RASGRP3: variants seen among roughly 807,000 people sequenced by gnomAD.
RASGRP3 encodes RAS guanyl releasing protein 3.
RASGRP3 carries 54 observed loss-of-function variants against 82.7 expected under a neutral mutation model. The observed-to-expected ratio is 0.65, with a 90% CI of 0.52 to 0.82. The LOEUF (loss-of-function observed/expected upper bound fraction) is 0.82. Among genes scored for constraint, RASGRP3 ranks in the 40% least tolerant of loss-of-function variants. The pLI is 0.00. For synonymous variants in RASGRP3, 309 were observed against 300.5 expected (o/e 1.03, Z -0.29); for missense variants, 861 against 828.9 (o/e 1.04, Z -0.48).
At chr2:33,514,500 C>A (rs1360057124) in intron 2 of RASGRP3, among the ~76,000 whole-genome samples, 1 of 74,046 alleles carries the variant, frequency 1.4e-5, no homozygotes. Flanking sequence ...AAAACCCCAT[C>A]TCTACAAAAA....
At chr2:33,437,584 GT>G (rs1664993343) in intron 1 of RASGRP3, among the ~76,000 whole-genome samples, 1 of 152,196 alleles carries the variant, frequency 6.6e-6, no homozygotes, top group Non-Finnish European at 1.5e-5. Context: ...AGATTGGGAT[GT>G]TTAGAATCTG....
At chr2:33,477,911 G>A (rs747118088) in intron 1 of RASGRP3, among the ~76,000 whole-genome samples, 2 of 152,166 alleles carry the variant, frequency 1.3e-5, no homozygotes, top group Non-Finnish European at 2.9e-5. Flanking sequence ...TTTTGCTTGT[G>A]ATAAGCCTAG....
intron 1 of RASGRP3, among the ~76,000 whole-genome samples, chr2:33,506,343 G>C (rs189022799): frequency 6.6e-6 from 1 of 152,284 alleles, no homozygotes; most frequent in African/African-American, 2.4e-5. Context: ...TTTGGAGTTG[G>C]ACTTGGCTTT....
chr2:33,514,964 C>T lies in RASGRP3; in HGVS notation c.-127-46C>T, dbSNP rs1574393449. ...TAGGAAAGTGATGCTCTAGTGGGGT[C>T]TGAACTCTAGTCTAATAACTTTCTC... is the stretch of plus-strand genomic sequence containing the variant. On this transcript the variant is annotated intron_variant, in intron 2 of 17. Transcript: ENST00000403687. 4 of 618,404 alleles carry T rather than the reference C, an allele frequency of 6.5e-6. No individual in the cohort carries two copies. The East Asian group carries it at 8.3e-5, about 13-fold the overall frequency. 38.3% of individuals were successfully genotyped at this position (618,404 alleles called of 1,614,324 possible). A position where few individuals can be genotyped will look rare whatever the true frequency, so the allele number is the denominator to read the frequency against.
intron 11 of RASGRP3, among the ~76,000 whole-genome samples, chr2:33,538,451 C>G (rs1254848684): frequency 1.3e-5 from 2 of 151,420 alleles, no homozygotes; most frequent in South Asian, 2.1e-4. Context: ...TTCAGTGAGC[C>G]GAGATCATGC....
In RASGRP3 at chr2:33,542,745, G is replaced by A. The variant is rs371852468; in HGVS notation, c.1279-767G>A. Among the ~76,000 whole-genome samples the A allele has an allele frequency of 9.3e-4, 117 of 126,214 alleles. 6 individuals carry two copies. Among genetic ancestry groups the A allele is most frequent in the African/African-American group, 2.8e-3 (112 of 39,364 alleles). 82.8% of individuals were successfully genotyped at this position (126,214 alleles called of 152,430 possible). On this transcript the variant is annotated intron_variant, in intron 12 of 17. Coordinates refer to ENST00000403687, the MANE Select transcript of RASGRP3 (RefSeq NM_001139488.2). ...GTTGCCCAGGCTGGAGTGCAATGGC[G>A]CCATCTTGGCTCACTGCAACCTCCT...
intron 13 of RASGRP3, among the ~76,000 whole-genome samples, chr2:33,544,144 T>C: frequency 6.6e-6 from 1 of 152,000 alleles, no homozygotes; most frequent in East Asian, 1.9e-4. Context: ...TGAAACTCTG[T>C]CTCTACTAAA....
At chr2:33,506,617 T>C (rs1670403153) in intron 1 of RASGRP3, among the ~76,000 whole-genome samples, 1 of 152,236 alleles carries the variant, frequency 6.6e-6, no homozygotes, top group South Asian at 2.1e-4. Context: ...GTGAAATCTC[T>C]TTTCAGGATA....
At position 33,540,223 on chromosome 2, in the gene RASGRP3, A is replaced by C. The variant is rs1227180093; in HGVS notation, c.1278+1013A>C. 8 of 119,478 alleles carry C rather than the reference A, an allele frequency of 6.7e-5. 1 individual carries two copies. Among genetic ancestry groups the C allele is most frequent in the Admixed American group, 1.8e-4 (2 of 10,990 alleles). 7.4% of individuals were successfully genotyped at this position (119,478 alleles called of 1,614,324 possible). A position where few individuals can be genotyped will look rare whatever the true frequency, so the allele number is the denominator to read the frequency against. ...TGTCTTACATCTTGGATAATTCAGA[A>C]AACTAGGAGGTGCTGAAAGAAAAAT... On this transcript the variant is annotated intron_variant, in intron 12 of 17. Transcript: ENST00000403687.
At chr2:33,505,731 A>G (rs988440962) in intron 1 of RASGRP3, among the ~76,000 whole-genome samples, 2 of 152,210 alleles carry the variant, frequency 1.3e-5, no homozygotes, top group African/African-American at 4.8e-5. Flanking sequence ...ACTTTGAGGC[A>G]TTATTTGGAA....
At chr2:33,559,705 T>C (rs1676437549) in intron 17 of RASGRP3, 1 of 499,640 alleles carries the variant, frequency 2.0e-6, no homozygotes, top group Non-Finnish European at 4.0e-6. Context: ...TGGCATGATA[T>C]TCCTAACATT....
At chr2:33,554,738 G>A (rs1166729617) in intron 14 of RASGRP3, among the ~76,000 whole-genome samples, 1 of 152,170 alleles carries the variant, frequency 6.6e-6, no homozygotes, top group African/African-American at 2.4e-5. Context: ...CTCCAAAAGT[G>A]CTGGGATTAC....
At chr2:33,559,635 G>T (rs1246153939) in intron 17 of RASGRP3, 1 of 518,774 alleles carries the variant, frequency 1.9e-6, no homozygotes, top group Admixed American at 1.9e-5. Context: ...TCAAGATGGA[G>T]TTAGATAAAT....
intron 1 of RASGRP3, among the ~76,000 whole-genome samples, chr2:33,500,804 C>T (rs752543449): frequency 7.9e-5 from 12 of 152,054 alleles, no homozygotes; most frequent in African/African-American, 1.4e-4. Context: ...CATGGTGGCG[C>T]GCACCTGTAA....
At chr2:33,495,411 G>A (rs899218567) in intron 1 of RASGRP3, among the ~76,000 whole-genome samples, 1 of 152,078 alleles carries the variant, frequency 6.6e-6, no homozygotes, top group Non-Finnish European at 1.5e-5. Context: ...AGAATCTAAC[G>A]CCGCAGCTCA....
At chr2:33,500,356 G>C (rs1022634074) in intron 1 of RASGRP3, among the ~76,000 whole-genome samples, 1 of 151,782 alleles carries the variant, frequency 6.6e-6, no homozygotes, top group African/African-American at 2.4e-5. Context: ...AGAGAGGGGA[G>C]ATAAACAGGA....
At chr2:33,536,925 C>G (rs1017871486) in intron 11 of RASGRP3, among the ~76,000 whole-genome samples, 2 of 152,162 alleles carry the variant, frequency 1.3e-5, no homozygotes, top group Non-Finnish European at 2.9e-5. Flanking sequence ...ACAGTTAATG[C>G]TCTTTTAGCA....
chr2:33,478,287 G>T (rs930045712), intron 1 of RASGRP3, among the ~76,000 whole-genome samples: 1 of 152,324 alleles, frequency 6.6e-6, no homozygotes, highest in African/African-American at 2.4e-5. Flanking sequence ...AGGAAAAATA[G>T]TCCCAACTTC....
chr2:33,547,036 C>T (rs1021033974), intron 13 of RASGRP3, among the ~76,000 whole-genome samples: 1 of 124,394 alleles, frequency 8.0e-6, no homozygotes. Flanking sequence ...GTAACAAGAG[C>T]GAATCTCTGT....
Sources: allele counts gnomAD v4.1 joint callset (sites outside exome capture counted in the v4.1 genomes callset), GRCh38; gene constraint gnomAD v4.1.1; transcripts MANE v1.5; gene names NCBI Gene and HGNC (gene_info 2026-07-23, HGNC 2026-07-21).